The following LRP1B variants were observed in gnomAD, a reference collection of about 807,000 sequenced individuals.
LRP1B encodes low-density lipoprotein receptor-related protein 1B.
Under a neutral mutation model 556.6 loss-of-function variants are expected in LRP1B, and 217 were observed. That is an observed-to-expected ratio of 0.39 (90% confidence interval 0.35 to 0.44). The LOEUF (loss-of-function observed/expected upper bound fraction) is 0.44, where lower values mean the gene tolerates loss of function less well. Ranked by LOEUF, LRP1B falls within the 20% of genes least tolerant of loss-of-function variation. The pLI, the probability that LRP1B is intolerant of heterozygous loss-of-function variation, is 1.00. For missense variants in LRP1B, 5,053 were observed against 5,620.8 expected (o/e 0.90, Z 3.23); for synonymous variants, 2,047 against 1,865.8 (o/e 1.10, Z -2.50).
intron 66 of LRP1B, among the ~76,000 whole-genome samples, chr2:140,417,690 T>C (rs111353029): frequency 0.011 from 1,602 of 152,304 alleles, 32 homozygotes; most frequent in African/African-American, 0.037. Context: ...CACGGCTTTC[T>C]GGTTTCACTA....
chr2:140,707,635 A>G (rs1366729950), intron 37 of LRP1B, among the ~76,000 whole-genome samples: 1 of 152,120 alleles, frequency 6.6e-6, no homozygotes, highest in Non-Finnish European at 1.5e-5. Context: ...GTTTGAATAT[A>G]TTTTATGAGT....
chr2:141,950,882 T>C (rs1701087560), intron 1 of LRP1B, among the ~76,000 whole-genome samples: 1 of 152,160 alleles, frequency 6.6e-6, no homozygotes, highest in Non-Finnish European at 1.5e-5. Context: ...GCCTAAATCT[T>C]TGATAAACAA....
chr2:140,560,893 G>A (rs1456899455), intron 43 of LRP1B, among the ~76,000 whole-genome samples: 1 of 152,082 alleles, frequency 6.6e-6, no homozygotes, highest in Non-Finnish European at 1.5e-5. Flanking sequence ...AATGAAGTTG[G>A]AACAACTATA....
At chr2:141,729,629 G>T (rs563959670) in intron 2 of LRP1B, among the ~76,000 whole-genome samples, 1 of 152,188 alleles carries the variant, frequency 6.6e-6, no homozygotes, top group African/African-American at 2.4e-5. Context: ...TTTTGTAAAG[G>T]GCTTGGTGCA....
chr2:142,053,353 G>A (rs747362711), intron 1 of LRP1B, among the ~76,000 whole-genome samples: 3 of 152,050 alleles, frequency 2.0e-5, no homozygotes, highest in African/African-American at 7.2e-5. Flanking sequence ...ACAGTCATTA[G>A]GAATAAAAGA....
chr2:142,103,694 T>C (rs1320880742), intron 1 of LRP1B, among the ~76,000 whole-genome samples: 1 of 152,062 alleles, frequency 6.6e-6, no homozygotes, highest in East Asian at 1.9e-4. Flanking sequence ...ATTCTAATCT[T>C]GTAAAAGATG....
At chr2:141,016,299 T>C (rs574597857) in intron 12 of LRP1B, among the ~76,000 whole-genome samples, 3 of 152,222 alleles carry the variant, frequency 2.0e-5, no homozygotes, top group East Asian at 1.9e-4. Flanking sequence ...TAATCAATTA[T>C]GTGATTAAAA....
At chr2:140,691,770 T>G (rs1489005936) in intron 41 of LRP1B, among the ~76,000 whole-genome samples, 1 of 152,172 alleles carries the variant, frequency 6.6e-6, no homozygotes, top group Admixed American at 6.5e-5. Context: ...ATTTGACCAA[T>G]TAATTTACTA....
chr2:141,810,648 T>C (rs1696325812), intron 1 of LRP1B, among the ~76,000 whole-genome samples: 1 of 152,116 alleles, frequency 6.6e-6, no homozygotes, highest in South Asian at 2.1e-4. Flanking sequence ...AGTTAAAAAT[T>C]CTGTTCCTGT....
chr2:140,486,027 C>T (rs557825381), intron 58 of LRP1B, among the ~76,000 whole-genome samples: 7 of 151,798 alleles, frequency 4.6e-5, no homozygotes, highest in African/African-American at 1.7e-4. Context: ...TTGAACCTAG[C>T]TTAAGGGAGG....
intron 84 of LRP1B, among the ~76,000 whole-genome samples, chr2:140,286,820 T>C (rs2104977801): frequency 6.6e-6 from 1 of 151,980 alleles, no homozygotes; most frequent in African/African-American, 2.4e-5. Flanking sequence ...GCACTCAAAG[T>C]ATCTATTAAA....
At chr2:141,636,715 G>A (rs1228039590) in intron 2 of LRP1B, among the ~76,000 whole-genome samples, 1 of 151,572 alleles carries the variant, frequency 6.6e-6, no homozygotes, top group African/African-American at 2.4e-5. Context: ...TAAATGTATG[G>A]TTTCTCTGTA....
intron 3 of LRP1B, among the ~76,000 whole-genome samples, chr2:141,464,419 C>CT (rs36072838): frequency 0.02 from 2,849 of 145,088 alleles, 91 homozygotes; most frequent in African/African-American, 0.065. Flanking sequence ...TTTGCTGTGA[C>CT]TTTTTTTTTT....
intron 1 of LRP1B, among the ~76,000 whole-genome samples, chr2:142,037,768 C>T (rs1265960345): frequency 6.6e-6 from 1 of 151,512 alleles, no homozygotes; most frequent in East Asian, 1.9e-4. Context: ...GTATTTTTTA[C>T]AGGTCTAAAC....
intron 1 of LRP1B, among the ~76,000 whole-genome samples, chr2:142,092,685 G>A (rs1350354049): frequency 2.6e-5 from 4 of 151,542 alleles, no homozygotes; most frequent in South Asian, 2.1e-4. Context: ...TATTATATAG[G>A]TTTTAATGGT....
chr2:140,559,218 C>G (rs1226853590), intron 43 of LRP1B, among the ~76,000 whole-genome samples: 1 of 151,442 alleles, frequency 6.6e-6, no homozygotes, highest in Non-Finnish European at 1.5e-5. Flanking sequence ...TTTTTTTTAA[C>G]AACCGAAAAT....
At chr2:140,866,872 C>T (rs1338310558) in intron 27 of LRP1B, among the ~76,000 whole-genome samples, 3 of 151,914 alleles carry the variant, frequency 2.0e-5, no homozygotes, top group Non-Finnish European at 4.4e-5. Flanking sequence ...TCTGCTTATT[C>T]CACACTGAAA....
At chr2:141,264,282 A>G (rs1034821112) in intron 3 of LRP1B, among the ~76,000 whole-genome samples, 14 of 152,178 alleles carry the variant, frequency 9.2e-5, no homozygotes, top group African/African-American at 3.1e-4. Context: ...GACTGACAAC[A>G]TTGTCACTTG....
chr2:141,229,386 A>G lies in LRP1B; in HGVS notation c.647T>C (p.Val216Ala). The change falls in exon 6 of 91, where the codon GTT becomes GCT. Residue 216 changes from valine (V) to alanine (A), a missense_variant. By Grantham distance (64) the Val-to-Ala change is moderately conservative. Coordinates refer to ENST00000389484, the MANE Select transcript of LRP1B (RefSeq NM_018557.3). ...CATTTTACTTCCATTAAGATAGAAA[A>G]CCTCAATTGTTTCAAAATTTGCAAT... Reference protein sequence around the residue: ...LLIANFETIEVFYLNGSKMAT... With the variant: ...LLIANFETIEAFYLNGSKMAT... 1.9e-6 allele frequency: 3 copies of G among 1,607,980 alleles called. No homozygotes were observed. The highest frequency in any genetic ancestry group is 1.1e-5 in the South Asian group (1 of 90,642).
Sources: gnomAD v4.1 joint callset for allele counts (sites outside exome capture counted in the v4.1 genomes callset) on GRCh38, gnomAD v4.1.1 for gene constraint, MANE v1.5 for transcripts, NCBI Gene and HGNC (gene_info 2026-07-23, HGNC 2026-07-21) for gene names.